MON2: variants seen among roughly 807,000 people sequenced by gnomAD.
MON2 encodes the protein protein MON2 homolog.
In MON2, 84 loss-of-function variants were observed where a neutral mutation model predicts 208.6. The observed-to-expected ratio is 0.40, with a 90% CI of 0.34 to 0.48. The LOEUF is 0.48. MON2 is among the 20% of genes least tolerant of loss of function. MON2 has a pLI of 0.59. For synonymous variants in MON2, 660 were observed against 694.0 expected, an observed-to-expected ratio of 0.95 and a Z score of 0.77; for missense variants, 1,611 against 2,015.4, an observed-to-expected ratio of 0.80 and a Z score of 3.84.
intron 9 of MON2, 33 bp downstream of exon 9, chr12:62,524,672 A>T: frequency 1.3e-6 from 2 of 1,599,670 alleles, no homozygotes; most frequent in Non-Finnish European, 1.7e-6. Flanking sequence ...TTAAATAGAT[A>T]GGTTAATGTT....
At chr12:62,533,237 A>G (rs977931562) in intron 12 of MON2, among the ~76,000 whole-genome samples, 2 of 152,160 alleles carry the variant, frequency 1.3e-5, no homozygotes, top group South Asian at 4.1e-4. Context: ...TTACATTAGG[A>G]AGCATACTAC....
chr12:62,566,849 A>G (rs1265068376), intron 29 of MON2, among the ~76,000 whole-genome samples: 1 of 152,100 alleles, frequency 6.6e-6, no homozygotes, highest in African/African-American at 2.4e-5. Context: ...ACAAACCTGC[A>G]TGTTGTGCAC....
chr12:62,543,198 G>A lies in MON2; in HGVS notation c.2466G>A (p.Glu822=). 1 of 1,475,292 alleles carries A rather than the reference G, an allele frequency of 6.8e-7. No homozygotes were observed. The allele number at this position is 1,475,292 out of a possible 1,614,324, so 91.4% of individuals were successfully genotyped here. A position where few individuals can be genotyped will look rare whatever the true frequency, so the allele number is the denominator to read the frequency against. ...GACCTCTGACTGGCCATCTACTTGA[G>A]GTAAATTCTCTTTCTTAAATATATT... ...LWRPLTGHLL[E]VCQHPNSRMR... Residue 822 remains glutamate, a splice_region_variant and synonymous_variant, in exon 20 of 35, where the codon GAG becomes GAA. Transcript: ENST00000393630.
At chr12:62,503,016 A>C (rs1408031259) in intron 7 of MON2, among the ~76,000 whole-genome samples, 2 of 152,198 alleles carry the variant, frequency 1.3e-5, no homozygotes, top group Non-Finnish European at 2.9e-5. Flanking sequence ...CCTTTCTTGT[A>C]GTGTAATAGG....
At position 62,534,906 on chromosome 12, in the gene MON2, C is replaced by T. The variant is rs145910619; in HGVS notation, c.1695C>T (p.Leu565=). 2 of 1,611,440 alleles carry T rather than the reference C, an allele frequency of 1.2e-6. No homozygotes were observed. The highest frequency in any genetic ancestry group is 2.7e-5 in the African/African-American group (2 of 74,694). Residue 565 remains leucine (L), a synonymous_variant, in exon 13 of 35, where the codon CTC becomes CTT. Transcript: ENST00000393630. The part of the protein sequence containing the change: ...NACWCGLLAA[L]SLLLDASTDE... ...GCTGGTGTGGTCTTCTTGCTGCACTCTCACTCCTTCTTGATGCCAGGTATT... is the reference window on the plus strand; with the variant it reads ...GCTGGTGTGGTCTTCTTGCTGCACTTTCACTCCTTCTTGATGCCAGGTATT...
At chr12:62,585,093 AC>A (rs2075160422) in intron 32 of MON2, among the ~76,000 whole-genome samples, 200 bp from the exon 33 acceptor site, 1 of 113,968 alleles carries the variant, frequency 8.8e-6, no homozygotes, top group African/African-American at 3.7e-5. Context: ...ACACACACAC[AC>A]ACACACACAC....
intron 26 of MON2, 107 bp downstream of exon 26, chr12:62,561,220 A>G: frequency 1.1e-6 from 1 of 901,712 alleles, no homozygotes; most frequent in Non-Finnish European, 1.6e-6. Context: ...AGATTGTTTT[A>G]TATGTATACT....
chr12:62,548,830 C>T (rs552306364), intron 22 of MON2, among the ~76,000 whole-genome samples: 1 of 152,090 alleles, frequency 6.6e-6, no homozygotes, highest in African/African-American at 2.4e-5. Context: ...AAACTAAATA[C>T]TTCTTATTAT....
intron 5 of MON2, among the ~76,000 whole-genome samples, chr12:62,500,551 T>C (rs2070769751): frequency 6.6e-6 from 1 of 152,150 alleles, no homozygotes; most frequent in Non-Finnish European, 1.5e-5. Context: ...ACCCAGCTTA[T>C]TAGAGTGAAT....
intron 8 of MON2, among the ~76,000 whole-genome samples, chr12:62,523,183 G>C (rs1378603358): frequency 6.6e-6 from 1 of 152,060 alleles, no homozygotes; most frequent in South Asian, 2.1e-4. Context: ...CACTAGCATG[G>C]GTCTTTCTTT....
At chr12:62,550,550 G>C (rs1017688956) in intron 23 of MON2, among the ~76,000 whole-genome samples, 2 of 152,044 alleles carry the variant, frequency 1.3e-5, no homozygotes, top group Admixed American at 6.6e-5. Flanking sequence ...TAATAAAAAG[G>C]CTGTTTTGTC....
At chr12:62,549,148 T>C (rs933368119) in intron 22 of MON2, among the ~76,000 whole-genome samples, 3 of 152,136 alleles carry the variant, frequency 2.0e-5, no homozygotes, top group African/African-American at 7.2e-5. Context: ...TTATTTCTTA[T>C]TGCCTGTAAG....
In MON2 at chr12:62,599,374, ATCTC is replaced by A. The variant is rs752966907; in HGVS notation, c.*6629_*6632del. ...TGCCTGTCCATATCAATGCCAGACT[ATCTC>A]TCTACCTCTCAAAGAAAATAATTTG... On this transcript the variant is annotated 3_prime_UTR_variant, in exon 35 of 35. Transcript: ENST00000393630. 1 of 152,302 alleles carries A rather than the reference ATCTC, an allele frequency of 6.6e-6. No homozygotes were observed. The highest frequency in any genetic ancestry group is 1.9e-4 in the East Asian group (1 of 5,192). 9.4% of individuals were successfully genotyped at this position (152,302 alleles called of 1,614,324 possible).
In MON2 at chr12:62,592,929, G is replaced by C. The variant is rs1484737729; in HGVS notation, c.*180G>C. ...ATTACAGGCTTGCACATCAACAAAG[G>C]CTCCTGAATGAACAGCAGTGTAAGG... On this transcript the variant is annotated 3_prime_UTR_variant, in exon 35 of 35. Coordinates refer to ENST00000393630, the MANE Select transcript of MON2 (RefSeq NM_015026.3). 4 of 533,898 alleles carry C rather than the reference G, an allele frequency of 7.5e-6. 1 individual carries two copies. In the East Asian group the frequency reaches 1.2e-4, roughly 15 times the overall value. 33.1% of individuals were successfully genotyped at this position (533,898 alleles called of 1,614,324 possible). A position where few individuals can be genotyped will look rare whatever the true frequency, so the allele number is the denominator to read the frequency against.
intron 11 of MON2, among the ~76,000 whole-genome samples, chr12:62,530,951 A>T (rs2072607888): frequency 6.6e-6 from 1 of 152,194 alleles, no homozygotes; most frequent in African/African-American, 2.4e-5. Flanking sequence ...ATGATATCTT[A>T]CCATGCTTTG....
At chr12:62,471,722 G>T (rs375973196) in intron 1 of MON2, among the ~76,000 whole-genome samples, 1 of 152,340 alleles carries the variant, frequency 6.6e-6, no homozygotes, top group East Asian at 1.9e-4. Context: ...AAAGAAAAAG[G>T]CTGCTGGGCA....
intron 34 of MON2, among the ~76,000 whole-genome samples, chr12:62,591,576 T>C (rs1565722346): frequency 6.6e-6 from 1 of 152,354 alleles, no homozygotes; most frequent in East Asian, 1.9e-4. Context: ...GTGAGAGATA[T>C]GAAACATCTG....
chr12:62,515,849 C>A (rs968178568), intron 8 of MON2, among the ~76,000 whole-genome samples: 6 of 151,742 alleles, frequency 4.0e-5, no homozygotes, highest in African/African-American at 1.5e-4. Context: ...GAGTTTTTTA[C>A]ACAACGATGT....
At chr12:62,550,471 A>G (rs1027636430) in intron 23 of MON2, among the ~76,000 whole-genome samples, 1 of 152,186 alleles carries the variant, frequency 6.6e-6, no homozygotes, top group African/African-American at 2.4e-5. Context: ...GCAGTGAGCT[A>G]TGATCACAGC....
Sources: allele counts gnomAD v4.1 joint callset (sites outside exome capture counted in the v4.1 genomes callset), GRCh38; gene constraint gnomAD v4.1.1; transcripts MANE v1.5; gene names NCBI Gene and HGNC (gene_info 2026-07-23, HGNC 2026-07-21).